Variants in PGM5 observed in about 807,000 individuals in gnomAD.
PGM5 encodes the protein phosphoglucomutase-like protein 5.
A neutral mutation model predicts 59.2 loss-of-function variants in PGM5; 23 were observed. That is an observed-to-expected ratio of 0.39 (90% CI 0.28 to 0.55). The LOEUF (loss-of-function observed/expected upper bound fraction) is 0.55, where lower values mean the gene tolerates loss of function less well. PGM5 is among the 20% of genes least tolerant of loss of function. PGM5 has a pLI of 0.66. For synonymous variants in PGM5, 214 were observed against 286.0 expected, an observed-to-expected ratio of 0.75 and a Z score of 2.54; for missense variants, 574 against 748.3, an observed-to-expected ratio of 0.77 and a Z score of 2.72.
At chr9:68,469,156 G>C (rs974655031) in intron 7 of PGM5, among the ~76,000 whole-genome samples, 22 of 152,176 alleles carry the variant, frequency 1.4e-4, no homozygotes, top group African/African-American at 5.1e-4. Context: ...GGCCTCAAGT[G>C]ATCCGCCCAC....
intron 4 of PGM5, among the ~76,000 whole-genome samples, chr9:68,389,276 A>C (rs1211779632): frequency 6.6e-6 from 1 of 152,070 alleles, no homozygotes; most frequent in African/African-American, 2.4e-5. Flanking sequence ...AGTAAAACTC[A>C]CTCCTGGTAG....
intron 9 of PGM5, among the ~76,000 whole-genome samples, chr9:68,488,036 A>G (rs1554687666): frequency 2.6e-5 from 4 of 152,248 alleles, no homozygotes; most frequent in African/African-American, 9.6e-5. Flanking sequence ...ATCCTGGCAC[A>G]TAACAAATGA....
At chr9:68,459,016 T>C (rs572607151) in intron 6 of PGM5, among the ~76,000 whole-genome samples, 15 of 152,278 alleles carry the variant, frequency 9.9e-5, no homozygotes, top group African/African-American at 3.6e-4. Flanking sequence ...AACTCATCAA[T>C]GTGAAAATAT....
At chr9:68,519,292 C>T (rs1824863916) in intron 10 of PGM5, among the ~76,000 whole-genome samples, 1 of 152,020 alleles carries the variant, frequency 6.6e-6, no homozygotes, top group African/African-American at 2.4e-5. Flanking sequence ...TGAACATTGG[C>T]TGTATAAAAT....
At chr9:68,422,869 A>G (rs1011585862) in intron 6 of PGM5, among the ~76,000 whole-genome samples, 20 of 152,164 alleles carry the variant, frequency 1.3e-4, no homozygotes, top group African/African-American at 3.9e-4. Context: ...TCTGTCTCTC[A>G]TCCCCTTCCC....
At chr9:68,516,588 A>T (rs1824828318) in intron 10 of PGM5, among the ~76,000 whole-genome samples, 1 of 152,114 alleles carries the variant, frequency 6.6e-6, no homozygotes, top group Non-Finnish European at 1.5e-5. Flanking sequence ...GGTGGGCCTG[A>T]GAGGAGGTAG....
intron 6 of PGM5, among the ~76,000 whole-genome samples, chr9:68,460,126 C>A (rs782656710): frequency 1.3e-5 from 2 of 152,156 alleles, no homozygotes; most frequent in Non-Finnish European, 1.5e-5. Flanking sequence ...AAGTAGGATT[C>A]CAAGAGCAGC....
chr9:68,369,445 G>T (rs1356319023), intron 1 of PGM5, among the ~76,000 whole-genome samples: 1 of 152,082 alleles, frequency 6.6e-6, no homozygotes, highest in African/African-American at 2.4e-5. Context: ...TCATAAAATG[G>T]CAACAAGTGG....
intron 6 of PGM5, among the ~76,000 whole-genome samples, chr9:68,458,195 T>G (rs74469612): frequency 0.012 from 1,806 of 152,304 alleles, 28 homozygotes; most frequent in African/African-American, 0.041. Flanking sequence ...TTCTTGGATC[T>G]TTGGTCAATT....
At chr9:68,489,383 T>A (rs1824349794) in intron 9 of PGM5, among the ~76,000 whole-genome samples, 1 of 152,198 alleles carries the variant, frequency 6.6e-6, no homozygotes, top group Non-Finnish European at 1.5e-5. Flanking sequence ...GGAGCAAAAT[T>A]TAAGCAACTG....
At chr9:68,462,709 T>G (rs1228997028) in intron 6 of PGM5, among the ~76,000 whole-genome samples, 3 of 152,014 alleles carry the variant, frequency 2.0e-5, no homozygotes, top group African/African-American at 4.8e-5. Context: ...CCTCTCACCC[T>G]CACCTCTGCC....
intron 9 of PGM5, among the ~76,000 whole-genome samples, chr9:68,486,059 G>A (rs1824289782): frequency 6.6e-6 from 1 of 151,938 alleles, no homozygotes; most frequent in Admixed American, 6.6e-5. Context: ...TTGAGTCTGG[G>A]GTACACTTTA....
chr9:68,393,605 A>G (rs1322661828), intron 6 of PGM5, among the ~76,000 whole-genome samples: 5 of 152,108 alleles, frequency 3.3e-5, no homozygotes, highest in African/African-American at 1.2e-4. Flanking sequence ...TTAATCAACC[A>G]GGTGTAGTGG....
At chr9:68,521,601 T>C (rs1824900840) in intron 10 of PGM5, among the ~76,000 whole-genome samples, 1 of 152,168 alleles carries the variant, frequency 6.6e-6, no homozygotes, top group African/African-American at 2.4e-5. Context: ...GGAAGCCTAG[T>C]GTGGATATAC....
chr9:68,393,966 A>G (rs2871193), intron 6 of PGM5: 3 of 152,206 alleles, frequency 2.0e-5, no homozygotes, highest in Non-Finnish European at 4.4e-5. Context: ...TGCAGTGGGT[A>G]TGGATGAATA....
At chr9:68,472,236 C>T (rs1478208942) in intron 7 of PGM5, among the ~76,000 whole-genome samples, 4 of 152,118 alleles carry the variant, frequency 2.6e-5, no homozygotes, top group East Asian at 3.8e-4. Flanking sequence ...AATGTCAAGC[C>T]GCTGGCCAAA....
At chr9:68,443,881 G>A (rs1210527801) in intron 6 of PGM5, among the ~76,000 whole-genome samples, 2 of 152,192 alleles carry the variant, frequency 1.3e-5, no homozygotes, top group Non-Finnish European at 2.9e-5. Flanking sequence ...GCATGCAGAT[G>A]TAGTGTACAT....
chr9:68,433,602 C>T (rs1317243265), intron 6 of PGM5, among the ~76,000 whole-genome samples: 3 of 152,278 alleles, frequency 2.0e-5, no homozygotes, highest in African/African-American at 4.8e-5. Context: ...TTGTCCAGTT[C>T]GAATCAGTTT....
In PGM5 at chr9:68,403,598, A is replaced by G. The variant is rs534499885; in HGVS notation, c.1043+11125A>G. Among the ~76,000 whole-genome samples the G allele has an allele frequency of 2.2e-4, 34 of 152,352 alleles. No homozygotes were observed. The South Asian group carries it at 6.8e-3, about 31-fold the overall frequency. ...GCACTATTATTGACATTGTATTTAC[A>G]GAAAAATATGATGATGAGATGTTAA... On this transcript the variant is annotated intron_variant, in intron 6 of 10. Coordinates refer to ENST00000396396, the MANE Select transcript of PGM5 (RefSeq NM_021965.4).
Sources: allele counts gnomAD v4.1 joint callset (sites outside exome capture counted in the v4.1 genomes callset), GRCh38; gene constraint gnomAD v4.1.1; transcripts MANE v1.5; gene names NCBI Gene and HGNC (gene_info 2026-07-23, HGNC 2026-07-21).